DLG4: variants seen among roughly 807,000 people sequenced by gnomAD.
DLG4 encodes the protein disks large homolog 4.
In DLG4, 7 loss-of-function variants were observed where a neutral mutation model predicts 93.8. The ratio of observed to expected loss-of-function variants is 0.07; its 90% CI spans 0.04 to 0.14. The LOEUF (loss-of-function observed/expected upper bound fraction) is 0.14, where lower values mean the gene tolerates loss of function less well. Among genes scored for constraint, DLG4 ranks in the 10% least tolerant of loss-of-function variants. The pLI, the probability that DLG4 is intolerant of heterozygous loss-of-function variation, is 1.00. For synonymous variants in DLG4, 341 were observed against 387.6 expected (o/e 0.88, Z 1.41); for missense variants, 545 against 992.9 (o/e 0.55, Z 6.06).
Position 7,193,903 on chromosome 17 carries a change from T to C in DLG4, c.1516-32A>G, listed in dbSNP as rs200014209. On this transcript the variant is annotated intron_variant, in intron 13 of 19. Coordinates refer to ENST00000399506, the MANE Select transcript of DLG4 (RefSeq NM_001321075.3). This position sits in a 1 kb window ranked among gnomAD's most constrained non-coding sequence, Gnocchi z 6.7. ...AGAAAAAGCAGGCCACGGGGTTAGT[T>C]ATGAGCTCAGCTCCATGAGCCCTCA... 2.1e-4 allele frequency: 337 copies of C among 1,612,800 alleles called. No homozygotes were observed. The highest frequency in any genetic ancestry group is 2.7e-4 in the Non-Finnish European group (319 of 1,179,474).
chr17:7,205,030 C>T, intron 2 of DLG4: 8 of 985,418 alleles, frequency 8.1e-6, no homozygotes, highest in Non-Finnish European at 9.6e-6. Context: ...AAGGGATCCG[C>T]TAGCCCCGCC....
At chr17:7,213,077 T>C (rs1339012821) in intron 1 of DLG4, among the ~76,000 whole-genome samples, 1 of 131,304 alleles carries the variant, frequency 7.6e-6, no homozygotes, top group East Asian at 2.2e-4. Context: ...CTTTTCCTTT[T>C]CTTTTCTTTC....
chr17:7,205,953 C>A lies in DLG4; in HGVS notation c.97-1701G>T, dbSNP rs2070446509. Reference sequence around the variant, plus strand: ...TTCCCATCCCTATCTCTGCCCGCATCCCACATGCTCCATCTCCATCCCTGT... The same window carrying A: ...TTCCCATCCCTATCTCTGCCCGCATACCACATGCTCCATCTCCATCCCTGT... On this transcript the variant is annotated intron_variant, in intron 2 of 19. Coordinates refer to ENST00000399506, the MANE Select transcript of DLG4 (RefSeq NM_001321075.3). Among the ~76,000 whole-genome samples, 3 of 151,916 alleles carry A rather than the reference C, an allele frequency of 2.0e-5. No individual in the cohort carries two copies. In the East Asian group the frequency reaches 5.8e-4, roughly 29 times the overall value.
At chr17:7,213,149 G>T (rs2070777074) in intron 1 of DLG4, among the ~76,000 whole-genome samples, 1 of 126,502 alleles carries the variant, frequency 7.9e-6, no homozygotes. Flanking sequence ...TCATGCTGGA[G>T]TGCAATGGCG....
Position 7,194,476 on chromosome 17 carries a change from TGTC to T in DLG4, c.1318_1320del (p.Asp440del). The T allele has an allele frequency of 6.2e-7, 1 of 1,608,222 alleles. No individual in the cohort carries two copies. The highest frequency in any genetic ancestry group is 8.5e-7 in the Non-Finnish European group (1 of 1,177,472). On this transcript the variant is annotated inframe_deletion, in exon 12 of 20. Transcript: ENST00000399506. The surrounding 1 kb of genome is among the most constrained non-coding windows in gnomAD (Gnocchi z 4.4). ...CTCAGGAAGCCGCAGTCCTTGGTCT[TGTC>T]GTAATCAAACAGGGCCCTGGAGGGC...
rs1005736117 is a variant in DLG4 at position 7,189,090 on chromosome 17, C to G, written c.*1618G>C. ...TCGCACCACAGCACTCCAGCCTGAG[C>G]GAAAGAGCGAAACTCTGTCTCAAAA... On this transcript the variant is annotated 3_prime_UTR_variant, in exon 20 of 20. Transcript: ENST00000399506. Among the ~76,000 whole-genome samples the G allele has an allele frequency of 8.0e-6, 1 of 125,616 alleles. No individual in the cohort carries two copies. The highest frequency in any genetic ancestry group is 1.6e-5 in the Non-Finnish European group (1 of 63,896). 82.4% of individuals were successfully genotyped at this position (125,616 alleles called of 152,430 possible). A position where few individuals can be genotyped will look rare whatever the true frequency, so the allele number is the denominator to read the frequency against.
rs1047709693 is a variant in DLG4 at position 7,189,049 on chromosome 17, T to C, written c.*1659A>G. Among the ~76,000 whole-genome samples, 25 of 143,968 alleles carry C rather than the reference T, an allele frequency of 1.7e-4. No individual in the cohort carries two copies. Among genetic ancestry groups the C allele is most frequent in the African/African-American group, 6.6e-4 (25 of 38,060 alleles). 94.4% of individuals were successfully genotyped at this position (143,968 alleles called of 152,430 possible). A position where few individuals can be genotyped will look rare whatever the true frequency, so the allele number is the denominator to read the frequency against. On this transcript the variant is annotated 3_prime_UTR_variant, in exon 20 of 20. Coordinates refer to ENST00000399506, the MANE Select transcript of DLG4 (RefSeq NM_001321075.3). ...ACCGTGTGAACCCAGCAGGCAGAGGTTGCAGTGAGCCAAGATCGCACCACA... is the reference window on the plus strand; with the variant it reads ...ACCGTGTGAACCCAGCAGGCAGAGGCTGCAGTGAGCCAAGATCGCACCACA...
Position 7,194,468 on chromosome 17 carries a change from C to T in DLG4, c.1329G>A (p.Lys443=), listed in dbSNP as rs753946941. ...IRALFDYDKT[K]DCGFLSQALS... is the part of the protein sequence containing the mutation. ...GGGCCTGGCTCAGGAAGCCGCAGTC[C>T]TTGGTCTTGTCGTAATCAAACAGGG... The change falls in exon 12 of 20, where the codon AAG becomes AAA. Residue 443 remains lysine, a synonymous_variant. Coordinates refer to ENST00000399506, the MANE Select transcript of DLG4 (RefSeq NM_001321075.3). This position sits in a 1 kb window ranked among gnomAD's most constrained non-coding sequence, Gnocchi z 4.4. 1.1e-5 allele frequency: 18 copies of T among 1,609,554 alleles called. No individual in the cohort carries two copies. Among genetic ancestry groups the T allele is most frequent in the Non-Finnish European group, 1.4e-5 (16 of 1,178,074 alleles).
At chr17:7,219,633 A>G, upstream of DLG4, 1 of 1,233,144 alleles carries the variant, frequency 8.1e-7, no homozygotes. Context: ...ACCCCACCGG[A>G]GAAGCCCTCC....
At position 7,196,373 on chromosome 17, in the gene DLG4, T is replaced by C. The variant is rs2069782609; in HGVS notation, c.1187-39A>G. The C allele has an allele frequency of 1.2e-6, 2 of 1,610,272 alleles. No individual in the cohort carries two copies. The highest frequency in any genetic ancestry group is 1.1e-5 in the South Asian group (1 of 91,002). Reference sequence around the variant, plus strand: ...GGGAGGTTTCTGAGCTCTGTCCCCATCCTACTGTCACCCCTGTCCTCCCCT... The same window carrying C: ...GGGAGGTTTCTGAGCTCTGTCCCCACCCTACTGTCACCCCTGTCCTCCCCT... On this transcript the variant is annotated intron_variant, in intron 10 of 19. Coordinates refer to ENST00000399506, the MANE Select transcript of DLG4 (RefSeq NM_001321075.3). This position sits in a 1 kb window ranked among gnomAD's most constrained non-coding sequence, Gnocchi z 8.3.
chr17:7,203,921 G>T lies in DLG4; in HGVS notation c.210+87C>A. 2 of 1,587,922 alleles carry T rather than the reference G, an allele frequency of 1.3e-6. No homozygotes were observed. Among genetic ancestry groups the T allele is most frequent in the Admixed American group, 1.8e-5 (1 of 55,364 alleles). On this transcript the variant is annotated intron_variant, in intron 4 of 19. Coordinates refer to ENST00000399506, the MANE Select transcript of DLG4 (RefSeq NM_001321075.3). The surrounding 1 kb of genome is among the most constrained non-coding windows in gnomAD (Gnocchi z 7.2). The stretch of plus-strand genomic sequence containing the variant: ...AGCAGCCAGAGGAGGAAGGCACAGG[G>T]TGAGGGGCTAGCCACCCAGACCACA...
At chr17:7,205,842 A>G (rs891695646) in intron 2 of DLG4, among the ~76,000 whole-genome samples, 2 of 148,392 alleles carry the variant, frequency 1.3e-5, no homozygotes, top group Non-Finnish European at 3.0e-5. Flanking sequence ...TCCATCCCAT[A>G]GCCCATCCTC....
intron 17 of DLG4, 150 bp from the exon 18 acceptor site, chr17:7,192,152 A>C (rs1231064393): frequency 4.1e-6 from 2 of 484,786 alleles, no homozygotes; most frequent in Admixed American, 3.8e-5. Context: ...GGGGGCAGAG[A>C]GTCAGGCAGG....
chr17:7,218,653 A>G (rs368257422), upstream of DLG4: 146 of 1,557,736 alleles, frequency 9.4e-5, no homozygotes, highest in African/African-American at 1.5e-3. Flanking sequence ...GTGAGATGCA[A>G]GGAGAATTGG....
rs1356941547 is a variant in DLG4 at position 7,191,038 on chromosome 17, C to T, written c.2069-224G>A. ...AGGCTGGAGTGCAGTGGTGCGATCTCGGCTCACTGCAACCTCTGCCTCCCA... is the reference window on the plus strand; with the variant it reads ...AGGCTGGAGTGCAGTGGTGCGATCTTGGCTCACTGCAACCTCTGCCTCCCA... On this transcript the variant is annotated intron_variant, in intron 19 of 19. Coordinates refer to ENST00000399506, the MANE Select transcript of DLG4 (RefSeq NM_001321075.3). The surrounding 1 kb of genome is among the most constrained non-coding windows in gnomAD (Gnocchi z 6.6). Among the ~76,000 whole-genome samples the T allele has an allele frequency of 7.2e-6, 1 of 138,580 alleles. No individual in the cohort carries two copies. The highest frequency in any genetic ancestry group is 2.8e-5 in the African/African-American group (1 of 36,106). 90.9% of individuals were successfully genotyped at this position (138,580 alleles called of 152,430 possible). A position where few individuals can be genotyped will look rare whatever the true frequency, so the allele number is the denominator to read the frequency against.
At chr17:7,218,724 G>A, upstream of DLG4, 2 of 1,557,206 alleles carry the variant, frequency 1.3e-6, no homozygotes, top group Non-Finnish European at 1.8e-6. Context: ...CCCAGACTGT[G>A]CCCTTCACCC....
rs2070590367 is a variant in DLG4, at chr17:7,208,694, C to A, written c.31-455G>T. Among the ~76,000 whole-genome samples, 1 of 152,070 alleles carries A rather than the reference C, an allele frequency of 6.6e-6. No individual in the cohort carries two copies. Among genetic ancestry groups the A allele is most frequent in the African/African-American group, 2.4e-5 (1 of 41,390 alleles). ...CTCAGACTCACTCTTGTTCTAGCCT[C>A]CCCTCCCCTACCCCTCTGGCTGCTC... On this transcript the variant is annotated intron_variant, in intron 1 of 19. Transcript: ENST00000399506. The surrounding 1 kb of genome is among the most constrained non-coding windows in gnomAD (Gnocchi z 5.4).
chr17:7,217,834 T>C (rs1304037135), upstream of DLG4: 11 of 1,533,592 alleles, frequency 7.2e-6, no homozygotes, highest in African/African-American at 1.4e-5. Flanking sequence ...ATTTCATTTC[T>C]TAGAGAAGGA....
Position 7,197,196 on chromosome 17 carries a change from A to T in DLG4, c.788-144T>A, listed in dbSNP as rs1047083671. The T allele has an allele frequency of 5.2e-6, 4 of 772,582 alleles. No homozygotes were observed. In the East Asian group the frequency reaches 1.1e-4, roughly 21 times the overall value. 47.9% of individuals were successfully genotyped at this position (772,582 alleles called of 1,614,324 possible). On this transcript the variant is annotated intron_variant, in intron 8 of 19. Coordinates refer to ENST00000399506, the MANE Select transcript of DLG4 (RefSeq NM_001321075.3). ...GATGCCAGGGTGGGGTGGTAAGGGG[A>T]TATCAGATCACAGTGACATCAGGGG...
Sources: gnomAD v4.1 joint callset for allele counts (sites outside exome capture counted in the v4.1 genomes callset) on GRCh38, gnomAD v4.1.1 for gene constraint, Gnocchi (gnomAD v3.1) non-coding constraint, MANE v1.5 for transcripts, NCBI Gene and HGNC (gene_info 2026-07-23, HGNC 2026-07-21) for gene names.